The following RIMS2 variants were observed in gnomAD, a reference collection of about 807,000 sequenced individuals.
The protein encoded by RIMS2 is regulating synaptic membrane exocytosis protein 2.
Under a neutral mutation model 174.4 loss-of-function variants are expected in RIMS2, and 59 were observed. The ratio of observed to expected loss-of-function variants is 0.34; its 90% CI spans 0.27 to 0.42. The LOEUF (loss-of-function observed/expected upper bound fraction) is 0.42. RIMS2 is among the 10% of genes least tolerant of loss of function. RIMS2 has a pLI of 1.00. For synonymous variants in RIMS2, 606 were observed against 572.5 expected, an observed-to-expected ratio of 1.06 and a Z score of -0.84; for missense variants, 1,620 against 1,666.3, an observed-to-expected ratio of 0.97 and a Z score of 0.48.
At chr8:103,878,776 C>T (rs1312469605) in intron 3 of RIMS2, among the ~76,000 whole-genome samples, 1 of 151,120 alleles carries the variant, frequency 6.6e-6, no homozygotes, top group Admixed American at 6.6e-5. Flanking sequence ...AGGGGATCAT[C>T]AATTGTGCAC....
At chr8:103,842,307 TAGAA>T (rs1354779968) in intron 3 of RIMS2, among the ~76,000 whole-genome samples, 5 of 151,966 alleles carry the variant, frequency 3.3e-5, no homozygotes, top group African/African-American at 9.7e-5. Context: ...TAAAAAGGCA[TAGAA>T]AGAAGAATTA....
intron 19 of RIMS2, among the ~76,000 whole-genome samples, chr8:104,076,573 A>G (rs1429601852): frequency 6.6e-6 from 1 of 152,170 alleles, no homozygotes; most frequent in Non-Finnish European, 1.5e-5. Flanking sequence ...TCTTGTTTAC[A>G]GTAATAGAGA....
chr8:103,659,666 G>A (rs1242298948), intron 1 of RIMS2, among the ~76,000 whole-genome samples: 4 of 152,164 alleles, frequency 2.6e-5, no homozygotes, highest in African/African-American at 9.7e-5. Context: ...AGCAGCCCCC[G>A]CTCCTCCCTT....
chr8:104,087,499 G>C (rs953032725), intron 19 of RIMS2, among the ~76,000 whole-genome samples: 4 of 152,064 alleles, frequency 2.6e-5, no homozygotes, highest in African/African-American at 7.2e-5. Flanking sequence ...TCTCTTTGAA[G>C]GAGTTAAGGA....
chr8:103,773,308 T>C (rs2098274109), intron 3 of RIMS2, among the ~76,000 whole-genome samples: 1 of 152,224 alleles, frequency 6.6e-6, no homozygotes, highest in Non-Finnish European at 1.5e-5. Context: ...TAAAGCACTC[T>C]TAAAATTCAT....
In RIMS2 at chr8:103,811,500, A is replaced by C. The variant is rs56848540; in HGVS notation, c.698+44963A>C. ...CACTCTGTCACCCAGGCTGGAGTGC[A>C]GTGGCGTGATCTTGGCTCACTGCAA... On this transcript the variant is annotated intron_variant, in intron 3 of 23. Transcript: ENST00000504942. 4.9e-3 allele frequency among the ~76,000 whole-genome samples: 744 copies of C among 152,260 alleles called. 4 individuals are homozygous for C. Among genetic ancestry groups the C allele is most frequent in the African/African-American group, 0.017 (719 of 41,544 alleles).
At chr8:103,740,112 G>A (rs60412815) in intron 2 of RIMS2, among the ~76,000 whole-genome samples, 7,321 of 152,192 alleles carry the variant, frequency 0.048, 582 homozygotes, top group African/African-American at 0.17. Flanking sequence ...GCCAACATAG[G>A]AAGTTAACAT....
At chr8:103,947,918 A>G (rs1037870635) in intron 14 of RIMS2, among the ~76,000 whole-genome samples, 1 of 152,208 alleles carries the variant, frequency 6.6e-6, no homozygotes, top group African/African-American at 2.4e-5. Context: ...TATACAGCAC[A>G]TAATGTTTAT....
intron 3 of RIMS2, among the ~76,000 whole-genome samples, chr8:103,806,031 A>C (rs1446095416): frequency 1.3e-5 from 2 of 152,106 alleles, no homozygotes; most frequent in African/African-American, 4.8e-5. Flanking sequence ...CACTTATATG[A>C]AAAATTTAAC....
At chr8:103,792,396 A>G (rs2098507756) in intron 3 of RIMS2, among the ~76,000 whole-genome samples, 1 of 152,218 alleles carries the variant, frequency 6.6e-6, no homozygotes, top group Non-Finnish European at 1.5e-5. Context: ...ACAATGTACC[A>G]GAATCTCTGG....
intron 19 of RIMS2, among the ~76,000 whole-genome samples, chr8:104,033,531 CACA>C (rs1181340757): frequency 6.6e-6 from 1 of 151,728 alleles, no homozygotes; most frequent in African/African-American, 2.4e-5. Context: ...ATCTCAGAAA[CACA>C]ACATTTTAAA....
intron 1 of RIMS2, among the ~76,000 whole-genome samples, chr8:103,588,223 A>G (rs963705160): frequency 2.0e-5 from 3 of 152,032 alleles, no homozygotes; most frequent in African/African-American, 7.2e-5. Flanking sequence ...AATGAAAACT[A>G]TAAAACACTG....
At chr8:104,023,773 T>C (rs756445570) in intron 19 of RIMS2, among the ~76,000 whole-genome samples, 10 of 152,066 alleles carry the variant, frequency 6.6e-5, no homozygotes, top group Non-Finnish European at 1.3e-4. Flanking sequence ...GTAAGACTGG[T>C]TATCAAGAGG....
At position 103,987,610 on chromosome 8, in the gene RIMS2, A is replaced by G. The variant is rs75967685; in HGVS notation, c.2928-1695A>G. Among the ~76,000 whole-genome samples, 303 of 152,268 alleles carry G rather than the reference A, an allele frequency of 2.0e-3. 7 individuals carry two copies. In the East Asian group the frequency reaches 0.053, roughly 27 times the overall value. On this transcript the variant is annotated intron_variant, in intron 16 of 23. Coordinates refer to ENST00000504942, the Ensembl canonical transcript of RIMS2. ...GTTCATTAATATTGTCACTGTTTAA[A>G]ATAGTACTTCAGGTCCTGAAAAATG... is the stretch of plus-strand genomic sequence containing the variant.
chr8:103,835,291 C>A (rs1430671410), intron 3 of RIMS2, among the ~76,000 whole-genome samples: 1 of 151,342 alleles, frequency 6.6e-6, no homozygotes, highest in African/African-American at 2.4e-5. Flanking sequence ...TTAGTAGAGA[C>A]AGGGTTTCAC....
intron 19 of RIMS2, among the ~76,000 whole-genome samples, chr8:104,107,904 G>A (rs915227155): frequency 1.3e-5 from 2 of 152,142 alleles, no homozygotes; most frequent in African/African-American, 4.8e-5. Context: ...TTCCAGTCTG[G>A]GCAACAGAGA....
At chr8:103,577,838 T>A (rs552082049) in intron 1 of RIMS2, among the ~76,000 whole-genome samples, 1 of 152,048 alleles carries the variant, frequency 6.6e-6, no homozygotes, top group African/African-American at 2.4e-5. Flanking sequence ...AGGCTCTCAA[T>A]AGCAAAATGG....
At chr8:103,907,525 T>C (rs2074701433) in intron 4 of RIMS2, among the ~76,000 whole-genome samples, 1 of 151,816 alleles carries the variant, frequency 6.6e-6, no homozygotes, top group Middle Eastern at 3.4e-3. Context: ...CCTTCCTTCC[T>C]TTTTTTTCTC....
At chr8:103,978,658 A>G (rs1164444307) in intron 16 of RIMS2, among the ~76,000 whole-genome samples, 1 of 152,234 alleles carries the variant, frequency 6.6e-6, no homozygotes, top group Admixed American at 6.5e-5. Context: ...GATCATGGAC[A>G]AATTTGTTCC....
Sources: allele counts gnomAD v4.1 joint callset (sites outside exome capture counted in the v4.1 genomes callset), GRCh38; gene constraint gnomAD v4.1.1; transcripts MANE v1.5; gene names NCBI Gene and HGNC (gene_info 2026-07-23, HGNC 2026-07-21).